Variants in BMP5 observed in about 807,000 individuals in gnomAD.
The protein encoded by BMP5 is bone morphogenetic protein 5.
BMP5 carries 23 observed loss-of-function variants against 46.6 expected under a neutral mutation model. The ratio of observed to expected loss-of-function variants is 0.49; its 90% confidence interval spans 0.35 to 0.70. The LOEUF (loss-of-function observed/expected upper bound fraction) is 0.70, where lower values mean the gene tolerates loss of function less well. Ranked by LOEUF, BMP5 falls within the 30% of genes least tolerant of loss-of-function variation. BMP5 has a pLI of 0.00. For missense variants in BMP5, 545 were observed against 565.6 expected (o/e 0.96, Z 0.37); for synonymous variants, 204 against 191.9 (o/e 1.06, Z -0.52).
intron 2 of BMP5, among the ~76,000 whole-genome samples, chr6:55,799,481 T>C: frequency 6.6e-6 from 1 of 152,150 alleles, no homozygotes; most frequent in East Asian, 1.9e-4. Flanking sequence ...CTGGGAGTGT[T>C]GTTTCAAAAC....
chr6:55,846,226 G>C (rs141776429), intron 1 of BMP5, among the ~76,000 whole-genome samples: 1 of 152,072 alleles, frequency 6.6e-6, no homozygotes, highest in East Asian at 1.9e-4. Context: ...GGAGAGCAAA[G>C]CATAAGTGGA....
chr6:55,796,374 G>GA lies in BMP5; in HGVS notation c.684-1948dup, dbSNP rs201686101. Among the ~76,000 whole-genome samples, 28 of 150,076 alleles carry GA rather than the reference G, an allele frequency of 1.9e-4. 1 individual carries two copies. Among genetic ancestry groups the GA allele is most frequent in the Non-Finnish European group, 2.2e-4 (15 of 67,526 alleles). ...TTTTTAAATTGTGCCATCTCTTCAG[G>GA]AAAAAAAAATTCTCCAAACTCTCCA... On this transcript the variant is annotated intron_variant, in intron 2 of 6. Coordinates refer to ENST00000370830, the MANE Select transcript of BMP5 (RefSeq NM_021073.4).
intron 4 of BMP5, among the ~76,000 whole-genome samples, chr6:55,768,681 C>T (rs1389062338): frequency 1.3e-5 from 2 of 151,894 alleles, no homozygotes; most frequent in African/African-American, 4.8e-5. Context: ...GATTATTTTT[C>T]GAAGATTCTC....
chr6:55,874,918 A>G lies in BMP5; in HGVS notation c.-53T>C. The G allele has an allele frequency of 6.3e-7, 1 of 1,579,858 alleles. No individual in the cohort carries two copies. Among genetic ancestry groups the G allele is most frequent in the Non-Finnish European group, 8.5e-7 (1 of 1,170,176 alleles). ...TTTAGTCCTTCTTGTCCTCTTAAAA[A>G]AAAAAAAAACCTAAGGTTCTAGGAG... On this transcript the variant is annotated 5_prime_UTR_variant, in exon 1 of 7. Transcript: ENST00000370830.
chr6:55,817,957 A>G (rs1776317619), intron 2 of BMP5, among the ~76,000 whole-genome samples: 1 of 152,140 alleles, frequency 6.6e-6, no homozygotes, highest in Admixed American at 6.5e-5. Context: ...GATAATAATA[A>G]TACTTTATTT....
intron 4 of BMP5, among the ~76,000 whole-genome samples, chr6:55,763,612 A>G (rs1774838532): frequency 6.6e-6 from 1 of 152,164 alleles, no homozygotes; most frequent in African/African-American, 2.4e-5. Context: ...CCTTTAGGAG[A>G]TTAGTATGAA....
intron 2 of BMP5, among the ~76,000 whole-genome samples, chr6:55,795,031 C>T (rs1262262020): frequency 6.6e-6 from 1 of 152,074 alleles, no homozygotes; most frequent in African/African-American, 2.4e-5. Context: ...CTTCTGCAAG[C>T]TTAAGTCCCC....
At chr6:55,764,571 CAAA>C (rs57293392) in intron 4 of BMP5, among the ~76,000 whole-genome samples, 2 of 110,146 alleles carry the variant, frequency 1.8e-5, no homozygotes. Flanking sequence ...GACTCTGTCT[CAAA>C]AAAAAAAAAA....
chr6:55,759,725 G>T (rs1774718910), intron 5 of BMP5, among the ~76,000 whole-genome samples: 1 of 151,742 alleles, frequency 6.6e-6, no homozygotes, highest in Admixed American at 6.6e-5. Flanking sequence ...ATAAATTTCG[G>T]GAAGCTAAAG....
chr6:55,833,243 C>G (rs1776707704), intron 1 of BMP5, among the ~76,000 whole-genome samples: 2 of 152,176 alleles, frequency 1.3e-5, no homozygotes, highest in African/African-American at 4.8e-5. Flanking sequence ...AGTGTTATTC[C>G]TACAATCACA....
chr6:55,860,083 T>G (rs1777493604), intron 1 of BMP5, among the ~76,000 whole-genome samples: 1 of 152,172 alleles, frequency 6.6e-6, no homozygotes, highest in Non-Finnish European at 1.5e-5. Context: ...GAGACCAGCC[T>G]GGGCAATATA....
At position 55,827,664 on chromosome 6, in the gene BMP5, G is replaced by C. The variant is rs1220012672; in HGVS notation, c.491-7817C>G. Among the ~76,000 whole-genome samples the C allele has an allele frequency of 2.0e-5, 3 of 151,636 alleles. No homozygotes were observed. The Admixed American group carries it at 2.0e-4, about 10-fold the overall frequency. On this transcript the variant is annotated intron_variant, in intron 1 of 6. Transcript: ENST00000370830. ...TTTTTATTATGAGCATTTTAGAAAGGAAAAATTATTAAGTGAATGTTAGAA... is the reference window on the plus strand; with the variant it reads ...TTTTTATTATGAGCATTTTAGAAAGCAAAAATTATTAAGTGAATGTTAGAA...
intron 1 of BMP5, among the ~76,000 whole-genome samples, chr6:55,837,347 A>ATAGATAGATAGG: frequency 1.4e-5 from 2 of 140,472 alleles, no homozygotes; most frequent in African/African-American, 5.3e-5. Context: ...AGATAGATAG[A>ATAGATAGATAGG]TAGATAGATA....
chr6:55,755,408 T>A lies in BMP5; in HGVS notation c.*125A>T, dbSNP rs533659219. ...ATGACTATATACATGATATTGTACA[T>A]AGGAAAAGAGTCAAAATGAGCCAGA... On this transcript the variant is annotated 3_prime_UTR_variant, in exon 7 of 7. Transcript: ENST00000370830. 1.9e-4 allele frequency: 168 copies of A among 872,708 alleles called. 1 individual carries two copies. The African/African-American group carries it at 2.7e-3, about 14-fold the overall frequency. The allele number at this position is 872,708 out of a possible 1,614,324, so 54.1% of individuals were successfully genotyped here. A position where few individuals can be genotyped will look rare whatever the true frequency, so the allele number is the denominator to read the frequency against.
At chr6:55,783,159 AT>A (rs1775366670) in intron 3 of BMP5, among the ~76,000 whole-genome samples, 1 of 152,132 alleles carries the variant, frequency 6.6e-6, no homozygotes, top group Admixed American at 6.6e-5. Context: ...AATACTTCTT[AT>A]TAGCCATAAG....
chr6:55,821,105 G>A (rs1026665702), intron 1 of BMP5, among the ~76,000 whole-genome samples: 29 of 152,068 alleles, frequency 1.9e-4, no homozygotes, highest in African/African-American at 7.0e-4. Flanking sequence ...GAAGCATTAA[G>A]ATTATGGAAG....
At chr6:55,811,053 T>G (rs1002289733) in intron 2 of BMP5, among the ~76,000 whole-genome samples, 1 of 152,190 alleles carries the variant, frequency 6.6e-6, no homozygotes, top group African/African-American at 2.4e-5. Flanking sequence ...TTGTGTACCG[T>G]TCTAGACACT....
At chr6:55,853,003 G>A (rs919036062) in intron 1 of BMP5, among the ~76,000 whole-genome samples, 5 of 151,698 alleles carry the variant, frequency 3.3e-5, no homozygotes, top group African/African-American at 1.2e-4. Context: ...GGTGGTGCCC[G>A]CCTGTAGTCC....
intron 3 of BMP5, among the ~76,000 whole-genome samples, chr6:55,781,421 G>A (rs1158822551): frequency 1.3e-5 from 2 of 151,970 alleles, no homozygotes; most frequent in Non-Finnish European, 2.9e-5. Flanking sequence ...CTTTCTTTGT[G>A]TTACAACATC....
Sources: gnomAD v4.1 joint callset for allele counts (sites outside exome capture counted in the v4.1 genomes callset) on GRCh38, gnomAD v4.1.1 for gene constraint, MANE v1.5 for transcripts, NCBI Gene and HGNC (gene_info 2026-07-23, HGNC 2026-07-21) for gene names.